PCDH15: variants seen among roughly 807,000 people sequenced by gnomAD.
PCDH15 encodes the protein protocadherin-15.
A neutral mutation model predicts 178.5 loss-of-function variants in PCDH15; 129 were observed. The observed-to-expected ratio is 0.72, with a 90% confidence interval of 0.63 to 0.84. PCDH15 has a LOEUF of 0.84. Among genes scored for constraint, PCDH15 ranks in the 40% least tolerant of loss-of-function variants. The probability of loss-of-function intolerance (pLI) is 0.00; values close to 1 mark genes in which losing one functional copy is unlikely to be tolerated. For synonymous variants in PCDH15, 800 were observed against 732.0 expected (o/e 1.09, Z -1.50); for missense variants, 2,230 against 2,099.9 (o/e 1.06, Z -1.21).
chr10:55,223,444 A>G (rs953367147), intron 1 of PCDH15, among the ~76,000 whole-genome samples: 1 of 152,128 alleles, frequency 6.6e-6, no homozygotes, highest in African/African-American at 2.4e-5. Context: ...TAAACATTCT[A>G]ATATCTATTT....
chr10:54,721,747 A>C (rs61511864), intron 1 of PCDH15, among the ~76,000 whole-genome samples: 1 of 151,740 alleles, frequency 6.6e-6, no homozygotes, highest in African/African-American at 2.4e-5. Context: ...AACAACAAAA[A>C]GTCCAAGAAC....
intron 2 of PCDH15, among the ~76,000 whole-genome samples, chr10:54,557,058 T>C (rs2087378931): frequency 6.6e-6 from 1 of 152,210 alleles, no homozygotes; most frequent in African/African-American, 2.4e-5. Flanking sequence ...AAGTTATCCA[T>C]AAATTTTTCA....
intron 18 of PCDH15, among the ~76,000 whole-genome samples, chr10:54,037,334 A>G (rs1590052776): frequency 6.6e-6 from 1 of 152,118 alleles, no homozygotes; most frequent in Admixed American, 6.6e-5. Context: ...AGAAGTATTC[A>G]ATGCAGCACA....
intron 2 of PCDH15, among the ~76,000 whole-genome samples, chr10:55,053,094 C>A (rs1035611687): frequency 6.6e-6 from 1 of 152,172 alleles, no homozygotes; most frequent in African/African-American, 2.4e-5. Flanking sequence ...AAAAGGACAT[C>A]ATAATCCTAT....
chr10:54,823,157 C>T (rs1475381530), intron 3 of PCDH15, among the ~76,000 whole-genome samples: 1 of 152,070 alleles, frequency 6.6e-6, no homozygotes, highest in Non-Finnish European at 1.5e-5. Context: ...GCTGGGATTA[C>T]AGGCGTGAGC....
At chr10:53,883,819 G>A (rs963863061) in intron 26 of PCDH15, among the ~76,000 whole-genome samples, 1 of 152,094 alleles carries the variant, frequency 6.6e-6, no homozygotes, top group Non-Finnish European at 1.5e-5. Flanking sequence ...AGGTTCAAGC[G>A]ATTCTCCTGC....
At chr10:55,605,011 A>G (rs1354271760) in intron 2 of PCDH15, among the ~76,000 whole-genome samples, 1 of 152,194 alleles carries the variant, frequency 6.6e-6, no homozygotes, top group Non-Finnish European at 1.5e-5. Flanking sequence ...AGACTAATAA[A>G]GAAAACAAGA....
chr10:54,522,299 C>T (rs781592706), intron 3 of PCDH15, among the ~76,000 whole-genome samples: 2 of 152,108 alleles, frequency 1.3e-5, no homozygotes, highest in Non-Finnish European at 2.9e-5. Flanking sequence ...ACATTTTTGA[C>T]TAATCTACAT....
At chr10:54,625,107 A>T (rs1478491118) in intron 2 of PCDH15, among the ~76,000 whole-genome samples, 2 of 152,176 alleles carry the variant, frequency 1.3e-5, no homozygotes, top group Non-Finnish European at 1.5e-5. Context: ...AAGCAAAAGT[A>T]CCAAAGCACT....
chr10:53,846,585 A>G (rs911599508), intron 28 of PCDH15, among the ~76,000 whole-genome samples: 5 of 152,000 alleles, frequency 3.3e-5, no homozygotes, highest in African/African-American at 4.8e-5. Context: ...AAGGGTGTCA[A>G]TAAACAATTG....
chr10:54,474,454 C>T (rs1441065433), intron 3 of PCDH15, among the ~76,000 whole-genome samples: 1 of 151,896 alleles, frequency 6.6e-6, no homozygotes, highest in Non-Finnish European at 1.5e-5. Context: ...GTCATTAAGT[C>T]ACCTCTATGA....
intron 33 of PCDH15, among the ~76,000 whole-genome samples, chr10:53,818,747 T>TA (rs1457092697): frequency 6.6e-6 from 1 of 152,078 alleles, no homozygotes. Flanking sequence ...TTTAAGCAGT[T>TA]AAAGTGTTAA....
intron 2 of PCDH15, among the ~76,000 whole-genome samples, chr10:54,972,804 G>T (rs539854596): frequency 7.3e-6 from 1 of 137,022 alleles, no homozygotes; most frequent in Non-Finnish European, 1.5e-5. Context: ...AGCTGACATC[G>T]CGCCACTGCA....
chr10:55,617,945 T>TA (rs1034878593), intron 2 of PCDH15, among the ~76,000 whole-genome samples: 16 of 152,084 alleles, frequency 1.1e-4, no homozygotes, highest in East Asian at 5.8e-4. Context: ...TGCTTTGTTT[T>TA]AAAAAAATGA....
At chr10:53,920,253 T>G (rs1157523064) in intron 25 of PCDH15, among the ~76,000 whole-genome samples, 8 of 152,014 alleles carry the variant, frequency 5.3e-5, no homozygotes, top group Non-Finnish European at 1.2e-4. Flanking sequence ...AGGTATATGT[T>G]TATAATCACC....
intron 2 of PCDH15, among the ~76,000 whole-genome samples, chr10:55,573,889 C>A (rs1054453257): frequency 6.6e-6 from 1 of 151,662 alleles, no homozygotes; most frequent in African/African-American, 2.4e-5. Context: ...ATTATTATAA[C>A]GTTTCTTTTA....
At chr10:54,467,750 A>T (rs957261030) in intron 3 of PCDH15, among the ~76,000 whole-genome samples, 8 of 151,454 alleles carry the variant, frequency 5.3e-5, no homozygotes, top group Non-Finnish European at 1.0e-4. Context: ...ATGGTGTTAG[A>T]TCTTCTTCGT....
chr10:54,830,460 C>T (rs1040590687), intron 3 of PCDH15, among the ~76,000 whole-genome samples: 1 of 151,956 alleles, frequency 6.6e-6, no homozygotes, highest in Non-Finnish European at 1.5e-5. Flanking sequence ...TGGAAACCAT[C>T]ATTCTCAGCA....
intron 1 of PCDH15, among the ~76,000 whole-genome samples, chr10:55,172,067 T>C (rs1423303352): frequency 6.6e-6 from 1 of 152,056 alleles, no homozygotes; most frequent in African/African-American, 2.4e-5. Context: ...TATGACCACT[T>C]ATCTTTATGT....
Sources: allele counts gnomAD v4.1 joint callset (sites outside exome capture counted in the v4.1 genomes callset), GRCh38; gene constraint gnomAD v4.1.1; transcripts MANE v1.5; gene names NCBI Gene and HGNC (gene_info 2026-07-23, HGNC 2026-07-21).